Variants in TRIO observed in about 807,000 individuals in gnomAD.
TRIO encodes the protein trio Rho guanine nucleotide exchange factor, also known as triple functional domain protein.
TRIO carries 58 observed loss-of-function variants against 351.9 expected under a neutral mutation model. That is an observed-to-expected ratio of 0.16 (90% CI 0.13 to 0.21). TRIO has a LOEUF of 0.21. Ranked by LOEUF, TRIO falls within the 10% of genes least tolerant of loss-of-function variation. The pLI is 1.00. For synonymous variants in TRIO, 1,758 were observed against 1,595.7 expected (o/e 1.10, Z -2.42); for missense variants, 3,201 against 4,027.8 (o/e 0.79, Z 5.56).
At chr5:14,354,051 G>A (rs1015397290) in intron 11 of TRIO, among the ~76,000 whole-genome samples, 18 of 152,194 alleles carry the variant, frequency 1.2e-4, no homozygotes, top group African/African-American at 4.1e-4. Flanking sequence ...GTGAGTCAGG[G>A]GACAGGCTGC....
At position 14,497,760 on chromosome 5, in the gene TRIO, TCAA is replaced by T; in HGVS notation, c.8020-83_8020-81del. ...AGGCAAGTCAGTTTCTGCAAATCTT[TCAA>T]CAATAATTGTAGCCCTGGAATGAAA... On this transcript the variant is annotated intron_variant, in intron 50 of 56. Transcript: ENST00000344204. The surrounding 1 kb of genome is among the most constrained non-coding windows in gnomAD (Gnocchi z 4.4). 1.3e-6 allele frequency: 2 copies of T among 1,563,864 alleles called. No individual in the cohort carries two copies. Among genetic ancestry groups the T allele is most frequent in the Non-Finnish European group, 1.8e-6 (2 of 1,135,616 alleles).
chr5:14,144,708 G>A (rs942712121), intron 1 of TRIO, among the ~76,000 whole-genome samples: 70 of 152,108 alleles, frequency 4.6e-4, no homozygotes, highest in African/African-American at 1.6e-3. Flanking sequence ...GGCGCGGGTG[G>A]CGACCGGTCC....
intron 13 of TRIO, among the ~76,000 whole-genome samples, chr5:14,362,807 G>A (rs2152339705): frequency 6.6e-6 from 1 of 152,162 alleles, no homozygotes; most frequent in East Asian, 1.9e-4. Flanking sequence ...AGTCCCCTCA[G>A]CCTTTTTCTC....
Position 14,288,661 on chromosome 5 carries a change from C to T in TRIO, c.540+1598C>T, listed in dbSNP as rs564910774. On this transcript the variant is annotated intron_variant, in intron 4 of 56. Coordinates refer to ENST00000344204, the MANE Select transcript of TRIO (RefSeq NM_007118.4). ...CAGCCTGGGCAACAGAGCGAGATTCCGCCTCAAAAAAAAAAAAAGTCCAGC... is the reference window on the plus strand; with the variant it reads ...CAGCCTGGGCAACAGAGCGAGATTCTGCCTCAAAAAAAAAAAAAGTCCAGC... Among the ~76,000 whole-genome samples, 83 of 101,932 alleles carry T rather than the reference C, an allele frequency of 8.1e-4. 1 individual carries two copies. The highest frequency in any genetic ancestry group is 2.0e-3 in the African/African-American group (61 of 29,780). The allele number at this position is 101,932 out of a possible 152,430, so 66.9% of individuals were successfully genotyped here.
chr5:14,454,280 C>T (rs1228524864), intron 34 of TRIO, among the ~76,000 whole-genome samples: 1 of 152,174 alleles, frequency 6.6e-6, no homozygotes, highest in African/African-American at 2.4e-5. Context: ...TGAGCCCCCA[C>T]CCCGACACTG....
intron 1 of TRIO, among the ~76,000 whole-genome samples, chr5:14,166,272 T>C (rs1026436469): frequency 6.6e-6 from 1 of 152,246 alleles, no homozygotes; most frequent in Admixed American, 6.5e-5. Context: ...TTCTTCTGCA[T>C]GTCCCCTTCC....
intron 1 of TRIO, among the ~76,000 whole-genome samples, chr5:14,230,686 C>T (rs375472719): frequency 6.6e-6 from 1 of 152,158 alleles, no homozygotes; most frequent in East Asian, 1.9e-4. Flanking sequence ...CTAATACGGC[C>T]CCATTTTATT....
At chr5:14,303,107 C>T (rs1247307841) in intron 7 of TRIO, among the ~76,000 whole-genome samples, 7 of 136,770 alleles carry the variant, frequency 5.1e-5, no homozygotes, top group Non-Finnish European at 9.2e-5. Context: ...GGATGGCTGC[C>T]GCAGGACCGT....
At chr5:14,483,478 A>C (rs1039593463) in intron 46 of TRIO, among the ~76,000 whole-genome samples, 4 of 152,176 alleles carry the variant, frequency 2.6e-5, no homozygotes, top group Non-Finnish European at 4.4e-5. Flanking sequence ...GCCCTACGCC[A>C]TCAGGGACAG....
At position 14,213,674 on chromosome 5, in the gene TRIO, CTG is replaced by C. The variant is rs367564014; in HGVS notation, c.158-57149_158-57148del. On this transcript the variant is annotated intron_variant, in intron 1 of 56. Coordinates refer to ENST00000344204, the MANE Select transcript of TRIO (RefSeq NM_007118.4). The stretch of plus-strand genomic sequence containing the variant: ...CTGTCACATTAAGCACAGGAGAGAA[CTG>C]TAAAGTCAGGGAAAATTTTGTAAAC... Among the ~76,000 whole-genome samples, 74 of 152,290 alleles carry C rather than the reference CTG, an allele frequency of 4.9e-4. 1 individual carries two copies. In the South Asian group the frequency reaches 0.015, roughly 31 times the overall value.
chr5:14,291,282 TG>T, intron 5 of TRIO, 54 bp downstream of exon 5: 1 of 1,558,212 alleles, frequency 6.4e-7, no homozygotes, highest in Non-Finnish European at 8.7e-7. Context: ...CCAGCGCTGG[TG>T]GGTTCGGGTG....
In TRIO at chr5:14,326,781, A is replaced by G. The variant is rs185401688; in HGVS notation, c.1732-3997A>G. On this transcript the variant is annotated intron_variant, in intron 9 of 56. Transcript: ENST00000344204. ...AGTATGTTTTAAATGGGAAGATTTC[A>G]CAAGCATGTCTTTAAAATGTTACTT... Among the ~76,000 whole-genome samples the G allele has an allele frequency of 7.2e-5, 11 of 152,334 alleles. No homozygotes were observed. In the East Asian group the frequency reaches 1.7e-3, roughly 24 times the overall value.
intron 24 of TRIO, 92 bp downstream of exon 24, chr5:14,388,771 TA>T: frequency 7.2e-7 from 1 of 1,394,526 alleles, no homozygotes; most frequent in African/African-American, 1.5e-5. Context: ...GTCCTTAGAA[TA>T]ATCACAATTT....
intron 8 of TRIO, among the ~76,000 whole-genome samples, chr5:14,311,637 AC>A (rs1334241707): frequency 6.6e-6 from 1 of 151,982 alleles, no homozygotes; most frequent in Non-Finnish European, 1.5e-5. Flanking sequence ...TTACCTGCTG[AC>A]CCCTTTTCAT....
At chr5:14,460,397 TC>T (rs1753690577) in intron 34 of TRIO, among the ~76,000 whole-genome samples, 1 of 152,132 alleles carries the variant, frequency 6.6e-6, no homozygotes, top group Admixed American at 6.5e-5. Context: ...TCTGCCACTT[TC>T]CAGTCGCCGG....
At chr5:14,475,444 A>G (rs1179943627) in intron 40 of TRIO, among the ~76,000 whole-genome samples, 1 of 152,178 alleles carries the variant, frequency 6.6e-6, no homozygotes, top group Non-Finnish European at 1.5e-5. Context: ...CTTTTAAACT[A>G]TGAGATACTG....
intron 11 of TRIO, among the ~76,000 whole-genome samples, chr5:14,357,697 C>T (rs1338913469): frequency 1.3e-5 from 2 of 152,154 alleles, no homozygotes; most frequent in East Asian, 3.9e-4. Context: ...TTCCTCTCAT[C>T]ACATTGTGCA....
chr5:14,394,860 A>C (rs1478079172), intron 28 of TRIO, among the ~76,000 whole-genome samples: 5 of 152,218 alleles, frequency 3.3e-5, no homozygotes, highest in Middle Eastern at 3.4e-3. Context: ...TTTTTATATT[A>C]TATATCATCA....
intron 1 of TRIO, among the ~76,000 whole-genome samples, chr5:14,156,349 G>A (rs374393050): frequency 1.1e-4 from 17 of 152,274 alleles, no homozygotes; most frequent in African/African-American, 2.9e-4. Context: ...GGCACTAAGC[G>A]TGCTCATTGC....
Sources: gnomAD v4.1 joint callset for allele counts (sites outside exome capture counted in the v4.1 genomes callset) on GRCh38, gnomAD v4.1.1 for gene constraint, Gnocchi (gnomAD v3.1) non-coding constraint, MANE v1.5 for transcripts, NCBI Gene and HGNC (gene_info 2026-07-23, HGNC 2026-07-21) for gene names.